The following NELL1 variants were observed in gnomAD, a reference collection of about 807,000 sequenced individuals.
NELL1 encodes the protein neural EGFL like 1, also known as protein kinase C-binding protein NELL1.
A neutral mutation model predicts 107.4 loss-of-function variants in NELL1; 76 were observed. The observed-to-expected ratio is 0.71, with a 90% CI of 0.59 to 0.86. NELL1 has a LOEUF of 0.86. Among genes scored for constraint, NELL1 ranks in the 40% least tolerant of loss-of-function variants. NELL1 has a pLI of 0.00. For missense variants in NELL1, 1,024 were observed against 1,005.5 expected (o/e 1.02, Z -0.25); for synonymous variants, 353 against 341.2 (o/e 1.03, Z -0.38).
intron 2 of NELL1, among the ~76,000 whole-genome samples, chr11:20,780,305 T>C (rs1856828171): frequency 6.6e-6 from 1 of 152,226 alleles, no homozygotes. Flanking sequence ...ATCATTACAA[T>C]AAATTTTCAT....
intron 4 of NELL1, among the ~76,000 whole-genome samples, chr11:20,856,398 C>T (rs768762413): frequency 2.0e-5 from 3 of 152,200 alleles, no homozygotes; most frequent in East Asian, 1.9e-4. Flanking sequence ...AATGCCATGT[C>T]GCATCCCTAC....
At chr11:20,990,122 G>A (rs1288830120) in intron 12 of NELL1, among the ~76,000 whole-genome samples, 1 of 152,160 alleles carries the variant, frequency 6.6e-6, no homozygotes, top group Non-Finnish European at 1.5e-5. Context: ...AATATGGGGG[G>A]AGTACAGTTT....
intron 12 of NELL1, among the ~76,000 whole-genome samples, chr11:20,996,477 G>C (rs962829593): frequency 6.6e-6 from 1 of 152,104 alleles, no homozygotes; most frequent in African/African-American, 2.4e-5. Context: ...GATTCTCCAG[G>C]ACCTAATTTC....
chr11:20,755,563 T>A (rs768950721), intron 2 of NELL1, among the ~76,000 whole-genome samples: 2,549 of 19,108 alleles, frequency 0.13, 39 homozygotes, highest in Middle Eastern at 0.43. Flanking sequence ...TTTGTTTTTG[T>A]TTTTTTTTTT....
At chr11:21,530,053 T>A (rs1855956004) in intron 15 of NELL1, among the ~76,000 whole-genome samples, 1 of 152,188 alleles carries the variant, frequency 6.6e-6, no homozygotes, top group South Asian at 2.1e-4. Context: ...TCTCTCTATG[T>A]CTGCATCAGA....
At chr11:21,436,673 T>C (rs1251138385) in intron 15 of NELL1, among the ~76,000 whole-genome samples, 1 of 152,138 alleles carries the variant, frequency 6.6e-6, no homozygotes, top group Non-Finnish European at 1.5e-5. Flanking sequence ...CCTCTACCTA[T>C]TTTGGGTCAG....
At chr11:20,695,659 C>T (rs1854595704) in intron 2 of NELL1, among the ~76,000 whole-genome samples, 1 of 152,104 alleles carries the variant, frequency 6.6e-6, no homozygotes, top group Non-Finnish European at 1.5e-5. Flanking sequence ...TGATGTGCTA[C>T]TGGATTCTGT....
chr11:20,733,110 G>A (rs1855684807), intron 2 of NELL1, among the ~76,000 whole-genome samples: 1 of 152,142 alleles, frequency 6.6e-6, no homozygotes, highest in African/African-American at 2.4e-5. Context: ...CTGGTATATG[G>A]CTGCTATCCA....
chr11:21,441,502 T>G (rs1353620786), intron 15 of NELL1, among the ~76,000 whole-genome samples: 1 of 152,022 alleles, frequency 6.6e-6, no homozygotes. Context: ...TTTCACAATA[T>G]TCTGTGCTAA....
At chr11:21,494,496 C>A (rs954695127) in intron 15 of NELL1, among the ~76,000 whole-genome samples, 1 of 151,920 alleles carries the variant, frequency 6.6e-6, no homozygotes, top group Non-Finnish European at 1.5e-5. Context: ...TTTTAGCACA[C>A]ACATGTGTGT....
chr11:21,273,050 G>A (rs927745791), intron 14 of NELL1, among the ~76,000 whole-genome samples: 5 of 152,188 alleles, frequency 3.3e-5, no homozygotes, highest in Non-Finnish European at 5.9e-5. Flanking sequence ...AAAGCTGGAC[G>A]GAGAATGACT....
In NELL1 at chr11:20,915,718, T is replaced by TATA. The variant is rs375263928; in HGVS notation, c.604-2464_604-2463insATA. On this transcript the variant is annotated intron_variant, in intron 5 of 19. Coordinates refer to ENST00000357134, the MANE Select transcript of NELL1 (RefSeq NM_006157.5). Reference sequence around the variant, plus strand: ...CATAGATGATATATATATATATATATTTTTTTTTTTTTTTTTTGAGAGGAA... The same window carrying TATA: ...CATAGATGATATATATATATATATATATATTTTTTTTTTTTTTTTTGAGAGGAA... 2.4e-4 allele frequency among the ~76,000 whole-genome samples: 12 copies of TATA among 49,270 alleles called. 1 individual carries two copies. Among genetic ancestry groups the TATA allele is most frequent in the South Asian group, 9.0e-4 (1 of 1,114 alleles). 32.3% of individuals were successfully genotyped at this position (49,270 alleles called of 152,430 possible). A position where few individuals can be genotyped will look rare whatever the true frequency, so the allele number is the denominator to read the frequency against.
At chr11:21,479,322 G>A (rs538596108) in intron 15 of NELL1, among the ~76,000 whole-genome samples, 2 of 152,160 alleles carry the variant, frequency 1.3e-5, no homozygotes, top group Admixed American at 6.5e-5. Flanking sequence ...TAAAGAAAAT[G>A]TGGTACCTAT....
intron 15 of NELL1, among the ~76,000 whole-genome samples, chr11:21,414,593 C>T (rs1421614253): frequency 1.4e-5 from 2 of 142,722 alleles, no homozygotes; most frequent in Non-Finnish European, 3.1e-5. Flanking sequence ...AAACCATTCT[C>T]TTCTCTTAAG....
intron 13 of NELL1, among the ~76,000 whole-genome samples, chr11:21,122,338 T>C (rs74343549): frequency 0.02 from 3,063 of 152,318 alleles, 47 homozygotes; most frequent in Non-Finnish European, 0.033. Context: ...ACAAAATTGT[T>C]GAGGCTGGTC....
chr11:20,892,945 A>T (rs1298479785), intron 5 of NELL1, among the ~76,000 whole-genome samples: 1 of 152,004 alleles, frequency 6.6e-6, no homozygotes, highest in Non-Finnish European at 1.5e-5. Context: ...AAAAAAAAAA[A>T]AACAGACACA....
intron 10 of NELL1, 138 bp from the exon 11 acceptor site, chr11:20,947,198 C>T (rs939518115): frequency 8.2e-6 from 5 of 607,174 alleles, no homozygotes; most frequent in Non-Finnish European, 1.5e-5. Flanking sequence ...GTGGCATTAT[C>T]GTTTTTAGTG....
rs370669679 is a variant in NELL1, at chr11:20,939,264, C to T, written c.1071+1405C>T. On this transcript the variant is annotated intron_variant, in intron 10 of 19. Transcript: ENST00000357134. ...TGCAGGGAATACCAGTTTCTGTTTT[C>T]CCAAGTAGCCAAAACCTCCCCTGGC... Among the ~76,000 whole-genome samples the T allele has an allele frequency of 1.8e-4, 27 of 151,950 alleles. No homozygotes were observed. The East Asian group carries it at 4.5e-3, about 25-fold the overall frequency.
At chr11:20,892,197 C>T (rs1849630225) in intron 5 of NELL1, among the ~76,000 whole-genome samples, 1 of 152,106 alleles carries the variant, frequency 6.6e-6, no homozygotes, top group Non-Finnish European at 1.5e-5. Context: ...AATTAGAACT[C>T]AGGATTAAGA....
Sources: allele counts gnomAD v4.1 joint callset (sites outside exome capture counted in the v4.1 genomes callset), GRCh38; gene constraint gnomAD v4.1.1; transcripts MANE v1.5; gene names NCBI Gene and HGNC (gene_info 2026-07-23, HGNC 2026-07-21).